PLSCR2: variants seen among roughly 807,000 people sequenced by gnomAD.
PLSCR2 encodes the protein phospholipid scramblase 2, also known as PL scramblase 2.
In PLSCR2, 18 loss-of-function variants were observed where a neutral mutation model predicts 25.3. The observed-to-expected ratio is 0.71, with a 90% CI of 0.49 to 1.06. PLSCR2 has a LOEUF of 1.06. Ranked by LOEUF, PLSCR2 falls within the 50% of genes least tolerant of loss-of-function variation. The pLI, the probability that PLSCR2 is intolerant of heterozygous loss-of-function variation, is 0.00. For missense variants in PLSCR2, 243 were observed against 269.5 expected (o/e 0.90, Z 0.69); for synonymous variants, 88 against 87.3 (o/e 1.01, Z -0.04).
At chr3:146,457,707 G>C (rs2041298935) in intron 3 of PLSCR2, among the ~76,000 whole-genome samples, 1 of 152,230 alleles carries the variant, frequency 6.6e-6, no homozygotes. Context: ...ATGTGGCTCT[G>C]TGCCATTCTA....
chr3:146,398,514 A>G, intron 2 of PLSCR2: 1 of 140,264 alleles, frequency 7.1e-6, no homozygotes, highest in East Asian at 2.1e-4. Flanking sequence ...TTAGTAATCC[A>G]ATTTTTTTTT....
intron 1 of PLSCR2, among the ~76,000 whole-genome samples, chr3:146,478,554 AAAG>A (rs1173268394): frequency 6.6e-6 from 1 of 152,222 alleles, no homozygotes; most frequent in Non-Finnish European, 1.5e-5. Context: ...AAAAGAGTAA[AAAG>A]AAACTAAAAA....
chr3:146,455,729 G>C (rs904846822), intron 3 of PLSCR2, among the ~76,000 whole-genome samples: 1 of 152,212 alleles, frequency 6.6e-6, no homozygotes, highest in African/African-American at 2.4e-5. Context: ...TGAGAAGAGA[G>C]ACTTTGCTGC....
intron 2 of PLSCR2, among the ~76,000 whole-genome samples, 158 bp downstream of exon 2, chr3:146,459,690 T>G (rs561846784): frequency 1.3e-5 from 2 of 152,338 alleles, no homozygotes; most frequent in African/African-American, 4.8e-5. Flanking sequence ...CCAAAAGAAC[T>G]AGTGATTTGT....
intron 6 of PLSCR2, among the ~76,000 whole-genome samples, chr3:146,446,742 G>C (rs553017331): frequency 7.2e-4 from 110 of 152,210 alleles, no homozygotes; most frequent in African/African-American, 1.5e-3. Flanking sequence ...TCCTTTCAGG[G>C]CATCAAGTTC....
intron 3 of PLSCR2, among the ~76,000 whole-genome samples, chr3:146,456,128 C>A (rs2041203927): frequency 6.6e-6 from 1 of 152,108 alleles, no homozygotes; most frequent in Non-Finnish European, 1.5e-5. Flanking sequence ...AATATCTAGA[C>A]CACGAGCATC....
intron 1 of PLSCR2, among the ~76,000 whole-genome samples, chr3:146,470,837 G>C (rs2042089798): frequency 6.6e-6 from 1 of 152,204 alleles, no homozygotes; most frequent in Non-Finnish European, 1.5e-5. Context: ...CCTGTGACTT[G>C]TGAAAATTAC....
At chr3:146,462,035 C>T (rs1177354855), upstream of PLSCR2, 5 of 625,082 alleles carry the variant, frequency 8.0e-6, no homozygotes, top group Admixed American at 1.7e-4. Flanking sequence ...TAGTAAATTA[C>T]TTACTTTTAT....
intron 2 of PLSCR2, among the ~76,000 whole-genome samples, chr3:146,407,903 C>T (rs984383625): frequency 6.6e-6 from 1 of 152,120 alleles, no homozygotes. Flanking sequence ...AGGGGTACAT[C>T]TTGAAGGTTG....
chr3:146,432,747 G>A (rs866157105), downstream of PLSCR2, among the ~76,000 whole-genome samples: 2 of 151,884 alleles, frequency 1.3e-5, no homozygotes, highest in African/African-American at 2.4e-5. Flanking sequence ...CTAGAATGTG[G>A]GTATATCATG....
rs200145864 is a variant in PLSCR2 at position 146,423,234 on chromosome 3, CCTCTCTCTCTCTCTCTCTCTCTCT to C, written c.101-27337_101-27314del. Among the ~76,000 whole-genome samples, 18 of 53,446 alleles carry C rather than the reference CCTCTCTCTCTCTCTCTCTCTCTCT, an allele frequency of 3.4e-4. 1 individual carries two copies. The highest frequency in any genetic ancestry group is 2.8e-3 in the Admixed American group (11 of 3,860). The allele number at this position is 53,446 out of a possible 152,430, so 35.1% of individuals were successfully genotyped here. On this transcript the variant is annotated intron_variant and NMD_transcript_variant, in intron 2 of 3. Transcript: ENST00000463633. Reference sequence around the variant, plus strand: ...CTGTCTCTTTCCTCTCCTTGCAGTGCCTCTCTCTCTCTCTCTCTCTCTCTCTCTCTCTCTCTCTCTCTCTCTCTC... The same window carrying C: ...CTGTCTCTTTCCTCTCCTTGCAGTGCCTCTCTCTCTCTCTCTCTCTCTCTC...
chr3:146,442,845 G>A (rs1198079357), intron 6 of PLSCR2, among the ~76,000 whole-genome samples: 1 of 151,974 alleles, frequency 6.6e-6, no homozygotes, highest in African/African-American at 2.4e-5. Context: ...AACCTATACT[G>A]TAAAACGACT....
intron 2 of PLSCR2, among the ~76,000 whole-genome samples, chr3:146,409,242 A>C (rs1454092464): frequency 1.3e-5 from 2 of 152,164 alleles, no homozygotes; most frequent in African/African-American, 4.8e-5. Context: ...TTTCCTCTAC[A>C]GTCAAGAGGC....
At chr3:146,432,730 T>C (rs567209304), downstream of PLSCR2, among the ~76,000 whole-genome samples, 1 of 152,282 alleles carries the variant, frequency 6.6e-6, no homozygotes, top group Admixed American at 6.5e-5. Context: ...GTAGAAAATA[T>C]AATAAACTAG....
intron 1 of PLSCR2, among the ~76,000 whole-genome samples, chr3:146,480,978 A>G (rs2043109541): frequency 6.6e-6 from 1 of 152,184 alleles, no homozygotes; most frequent in Non-Finnish European, 1.5e-5. Flanking sequence ...ACCAATGACA[A>G]AAAACACATG....
intron 5 of PLSCR2, among the ~76,000 whole-genome samples, chr3:146,450,806 TAAC>T (rs2040841641): frequency 6.6e-6 from 1 of 152,112 alleles, no homozygotes; most frequent in African/African-American, 2.4e-5. Flanking sequence ...CTACTAGACT[TAAC>T]AAATATTTCT....
Position 146,460,277 on chromosome 3 carries a change from G to A in PLSCR2, c.-285C>T, listed in dbSNP as rs2041490557. 15 of 1,294,788 alleles carry A rather than the reference G, an allele frequency of 1.2e-5. No individual in the cohort carries two copies. The South Asian group carries it at 2.9e-4, about 25-fold the overall frequency. 80.2% of individuals were successfully genotyped at this position (1,294,788 alleles called of 1,614,324 possible). A position where few individuals can be genotyped will look rare whatever the true frequency, so the allele number is the denominator to read the frequency against. ...TTTCACATTCACTTCTATTTTGAGG[G>A]TGGTTCACTGTGAATAGAGTCGGCC... is the stretch of plus-strand genomic sequence containing the variant. On this transcript the variant is annotated 5_prime_UTR_variant, in exon 1 of 7. Coordinates refer to ENST00000610787, the Ensembl canonical transcript of PLSCR2.
upstream of PLSCR2, chr3:146,464,013 T>C: frequency 1.0e-6 from 1 of 978,412 alleles, no homozygotes; most frequent in Non-Finnish European, 1.2e-6. Context: ...AATCAAAAGA[T>C]GTATTTGTGT....
At chr3:146,416,094 G>C (rs995479476) in intron 2 of PLSCR2, among the ~76,000 whole-genome samples, 1 of 152,028 alleles carries the variant, frequency 6.6e-6, no homozygotes, top group African/African-American at 2.4e-5. Flanking sequence ...GGGACTACAG[G>C]TGCCCACCAC....
Sources: allele counts gnomAD v4.1 joint callset (sites outside exome capture counted in the v4.1 genomes callset), GRCh38; gene constraint gnomAD v4.1.1; transcripts MANE v1.5; gene names NCBI Gene and HGNC (gene_info 2026-07-23, HGNC 2026-07-21).